The following PPP2R5C variants were observed in gnomAD, a reference collection of about 807,000 sequenced individuals.
The protein encoded by PPP2R5C is serine/threonine-protein phosphatase 2A 56 kDa regulatory subunit gamma isoform.
In PPP2R5C, 7 loss-of-function variants were observed where a neutral mutation model predicts 68.9. That is an observed-to-expected ratio of 0.10 (90% confidence interval 0.06 to 0.19). The LOEUF (loss-of-function observed/expected upper bound fraction) is 0.19. Ranked by LOEUF, PPP2R5C falls within the 10% of genes least tolerant of loss-of-function variation. The pLI, the probability that PPP2R5C is intolerant of heterozygous loss-of-function variation, is 1.00. For missense variants in PPP2R5C, 348 were observed against 641.3 expected (o/e 0.54, Z 4.94); for synonymous variants, 210 against 222.2 (o/e 0.95, Z 0.49).
chr14:101,799,120 T>C (rs1422654757), intron 3 of PPP2R5C, among the ~76,000 whole-genome samples: 1 of 152,166 alleles, frequency 6.6e-6, no homozygotes, highest in Non-Finnish European at 1.5e-5. Context: ...AAGGAAGAGC[T>C]TGTGGTCCAA....
At chr14:101,839,655 C>T (rs1392185698) in intron 1 of PPP2R5C, 3 of 152,254 alleles carry the variant, frequency 2.0e-5, no homozygotes, top group African/African-American at 7.2e-5. Context: ...AAATGTATTC[C>T]ATCCTCCATC....
At chr14:101,762,339 C>T (rs2036593127) in intron 1 of PPP2R5C, among the ~76,000 whole-genome samples, 1 of 152,128 alleles carries the variant, frequency 6.6e-6, no homozygotes, top group Admixed American at 6.5e-5. Context: ...CTGTAGACGC[C>T]TGGGGAGGGA....
chr14:101,765,159 C>T (rs1409963290), intron 2 of PPP2R5C: 6 of 702,608 alleles, frequency 8.5e-6, no homozygotes, highest in South Asian at 1.5e-5. Context: ...TCTAGTGCTA[C>T]TGTCTAAGAG....
chr14:101,923,341 T>C (rs906255534), intron 13 of PPP2R5C, among the ~76,000 whole-genome samples: 6 of 152,368 alleles, frequency 3.9e-5, no homozygotes, highest in Admixed American at 3.9e-4. Context: ...CTGTTGCCTT[T>C]TTCTATGAAT....
At chr14:101,785,736 G>A (rs1030987497) in intron 2 of PPP2R5C, among the ~76,000 whole-genome samples, 4 of 152,162 alleles carry the variant, frequency 2.6e-5, no homozygotes, top group African/African-American at 4.8e-5. Context: ...ATCTTTAGGC[G>A]TCATTATTTA....
intron 1 of PPP2R5C, among the ~76,000 whole-genome samples, chr14:101,847,663 C>CTTTTTT (rs3043777): frequency 7.8e-6 from 1 of 128,276 alleles, no homozygotes. Context: ...TGGGGCTGCT[C>CTTTTTT]TTTTTTTTTT....
exon 1 of PPP2R5C, chr14:101,810,014 C>G: frequency 6.2e-7 from 1 of 1,613,912 alleles, no homozygotes; most frequent in Non-Finnish European, 8.5e-7. Flanking sequence ...CTTTCCAGCC[C>G]GTGGTCCTTC....
At chr14:101,886,024 G>A (rs1182578856) in intron 5 of PPP2R5C, among the ~76,000 whole-genome samples, 2 of 152,234 alleles carry the variant, frequency 1.3e-5, no homozygotes, top group African/African-American at 4.8e-5. Context: ...GCTCACGCCT[G>A]TAATCCCAGC....
intron 2 of PPP2R5C, among the ~76,000 whole-genome samples, chr14:101,767,870 T>A (rs57592675): frequency 0.16 from 24,534 of 152,128 alleles, 2,421 homozygotes; most frequent in African/African-American, 0.27. Flanking sequence ...CCCTTGAGGC[T>A]TGAGGGAGTG....
intron 1 of PPP2R5C, 137 bp downstream of exon 1, chr14:101,762,057 G>A (rs2036572373): frequency 1.4e-5 from 13 of 913,302 alleles, no homozygotes; most frequent in Non-Finnish European, 1.8e-5. Context: ...CCCCGAGGGC[G>A]GCCGAGCCAG....
chr14:101,798,032 A>G (rs181064497), intron 3 of PPP2R5C, among the ~76,000 whole-genome samples: 3 of 152,280 alleles, frequency 2.0e-5, no homozygotes, highest in Admixed American at 6.5e-5. Flanking sequence ...GCTGAATGTT[A>G]GGTATCTTTG....
upstream of PPP2R5C, among the ~76,000 whole-genome samples, chr14:101,761,062 G>C: frequency 4.7e-5 from 6 of 127,464 alleles, no homozygotes; most frequent in Admixed American, 7.3e-5. Flanking sequence ...GGAGGGGAGT[G>C]GAGGGAGAGG....
At chr14:101,817,738 GACTC>G (rs965063693) in intron 1 of PPP2R5C, among the ~76,000 whole-genome samples, 3 of 143,618 alleles carry the variant, frequency 2.1e-5, no homozygotes, top group Non-Finnish European at 4.5e-5. Flanking sequence ...TAGGGCATGT[GACTC>G]ACTCTCTGTT....
chr14:101,826,199 G>T (rs902565738), intron 1 of PPP2R5C, among the ~76,000 whole-genome samples: 1 of 152,144 alleles, frequency 6.6e-6, no homozygotes, highest in Non-Finnish European at 1.5e-5. Flanking sequence ...TATGCTTATG[G>T]TGTCATAGCT....
At chr14:101,846,587 T>C (rs1171458975) in intron 1 of PPP2R5C, among the ~76,000 whole-genome samples, 2 of 152,238 alleles carry the variant, frequency 1.3e-5, no homozygotes, top group Non-Finnish European at 2.9e-5. Flanking sequence ...TTTGTAGATA[T>C]ATAGAAGTAT....
At position 101,915,251 on chromosome 14, in the gene PPP2R5C, T is replaced by A. The variant is rs1339484119; in HGVS notation, c.1327-2580T>A. On this transcript the variant is annotated intron_variant, in intron 12 of 13. Transcript: ENST00000334743. This position sits in a 1 kb window ranked among gnomAD's most constrained non-coding sequence, Gnocchi z 4.2. ...TGCACGCCACCATGCCTGGCTAATTTTTGTATTTTTAGTAGAGACGGGGTT... is the reference window on the plus strand; with the variant it reads ...TGCACGCCACCATGCCTGGCTAATTATTGTATTTTTAGTAGAGACGGGGTT... Among the ~76,000 whole-genome samples the A allele has an allele frequency of 6.6e-6, 1 of 152,068 alleles. No homozygotes were observed. Among genetic ancestry groups the A allele is most frequent in the Non-Finnish European group, 1.5e-5 (1 of 68,018 alleles).
At chr14:101,926,867 C>T (rs1024143912) in exon 14 of PPP2R5C, 1 of 152,028 alleles carries the variant, frequency 6.6e-6, no homozygotes, top group African/African-American at 2.4e-5. Context: ...GAGGGGACTT[C>T]TTGTGGTAAG....
At chr14:101,760,744 T>C (rs901878503), upstream of PPP2R5C, 20 of 529,794 alleles carry the variant, frequency 3.8e-5, no homozygotes, top group African/African-American at 1.5e-4. Context: ...GAGGGGCTGG[T>C]CGAGGGGAGG....
intron 2 of PPP2R5C, among the ~76,000 whole-genome samples, chr14:101,862,560 A>G (rs946367612): frequency 5.3e-5 from 8 of 152,166 alleles, no homozygotes; most frequent in Non-Finnish European, 1.0e-4. Context: ...TGATGTAGAC[A>G]ATGACCTAAA....
Sources: gnomAD v4.1 joint callset for allele counts (sites outside exome capture counted in the v4.1 genomes callset) on GRCh38, gnomAD v4.1.1 for gene constraint, Gnocchi (gnomAD v3.1) non-coding constraint, MANE v1.5 for transcripts, NCBI Gene and HGNC (gene_info 2026-07-23, HGNC 2026-07-21) for gene names.